The following CROCC2 variants were observed in gnomAD, a reference collection of about 807,000 sequenced individuals.
CROCC2 encodes the protein ciliary rootlet coiled-coil, rootletin family member 2.
Under a neutral mutation model 177.6 loss-of-function variants are expected in CROCC2, and 163 were observed. The observed-to-expected ratio is 0.92, with a 90% CI of 0.81 to 1.05. CROCC2 has a LOEUF of 1.05. CROCC2 is among the 50% of genes least tolerant of loss of function. The probability of loss-of-function intolerance (pLI) is 0.00; values close to 1 mark genes in which losing one functional copy is unlikely to be tolerated. For synonymous variants in CROCC2, 904 were observed against 787.3 expected, an observed-to-expected ratio of 1.15 and a Z score of -2.48; for missense variants, 1,929 against 1,797.8, an observed-to-expected ratio of 1.07 and a Z score of -1.32.
intron 1 of CROCC2, among the ~76,000 whole-genome samples, chr2:240,912,170 T>C (rs1330842291): frequency 6.6e-6 from 1 of 152,228 alleles, no homozygotes; most frequent in Admixed American, 6.5e-5. Flanking sequence ...CTGTTGTTAC[T>C]CATACCACTT....
rs1248864746 is a variant in CROCC2, at chr2:240,930,198, C to G, written c.678C>G (p.Asp226Glu). ...CAGGGGGCCTGGGGCAGCCCCGGGA[C>G]CTCCTCCTCCTGTGGAGACAGGCCG... is the stretch of plus-strand genomic sequence containing the variant. ...TRSGGLGQPRDLLLLWRQAVV... is the reference protein window; with the variant it reads ...TRSGGLGQPRELLLLWRQAVV... The change falls in exon 6 of 32, where the codon GAC becomes GAG. Residue 226 changes from aspartate (D) to glutamate (E), a missense_variant. Around this residue, in one of 3 missense-constraint regions of CROCC2, gnomAD observed 1,397 missense variants for 1,239.9 expected, o/e 1.13. Coordinates refer to ENST00000690015, the MANE Select transcript of CROCC2 (RefSeq NM_001351305.2). 1 of 585,678 alleles carries G rather than the reference C, an allele frequency of 1.7e-6. No homozygotes were observed. The highest frequency in any genetic ancestry group is 3.1e-6 in the Non-Finnish European group (1 of 320,012). 36.3% of individuals were successfully genotyped at this position (585,678 alleles called of 1,614,324 possible).
intron 4 of CROCC2, among the ~76,000 whole-genome samples, chr2:240,923,049 C>T (rs2059366805): frequency 6.6e-6 from 1 of 152,054 alleles, no homozygotes; most frequent in South Asian, 2.1e-4. Context: ...ACGATTGTAC[C>T]CATCGCTATC....
chr2:240,918,907 G>A lies in CROCC2; in HGVS notation c.229+31G>A. On this transcript the variant is annotated intron_variant, in intron 2 of 31. Coordinates refer to ENST00000690015, the MANE Select transcript of CROCC2 (RefSeq NM_001351305.2). The surrounding 1 kb of genome is among the most constrained non-coding windows in gnomAD (Gnocchi z 6.3). Reference sequence around the variant, plus strand: ...GGTGTGGGGGACAGTCCTGGGCCCGGGGCTGGCCAAGGTGACGGCGTGGGG... The same window carrying A: ...GGTGTGGGGGACAGTCCTGGGCCCGAGGCTGGCCAAGGTGACGGCGTGGGG... 1 of 664,352 alleles carries A rather than the reference G, an allele frequency of 1.5e-6. No individual in the cohort carries two copies. Among genetic ancestry groups the A allele is most frequent in the South Asian group, 1.6e-5 (1 of 61,352 alleles). 41.2% of individuals were successfully genotyped at this position (664,352 alleles called of 1,614,324 possible). A position where few individuals can be genotyped will look rare whatever the true frequency, so the allele number is the denominator to read the frequency against.
chr2:240,939,964 G>T (rs2059487468), intron 14 of CROCC2, among the ~76,000 whole-genome samples: 1 of 152,110 alleles, frequency 6.6e-6, no homozygotes. Flanking sequence ...TGTCTATCTT[G>T]AACACATCAA....
chr2:240,910,283 C>T (rs1289187161), intron 1 of CROCC2, among the ~76,000 whole-genome samples: 1 of 144,378 alleles, frequency 6.9e-6, no homozygotes, highest in East Asian at 2.0e-4. Context: ...CACCCAGACC[C>T]GCAGCTGATG....
At chr2:240,941,065 C>A (rs2059492135) in intron 14 of CROCC2, among the ~76,000 whole-genome samples, 1 of 151,996 alleles carries the variant, frequency 6.6e-6, no homozygotes, top group South Asian at 2.1e-4. Flanking sequence ...AGAATCAAAT[C>A]AAGAATTCAA....
At position 240,949,649 on chromosome 2, in the gene CROCC2, G is replaced by A. The variant is rs2059542060; in HGVS notation, c.2599G>A (p.Glu867Lys). Residue 867 changes from glutamate to lysine, a missense_variant, in exon 17 of 32, where the codon GAG becomes AAG. Around this residue, in one of 3 missense-constraint regions of CROCC2, gnomAD observed 1,397 missense variants for 1,239.9 expected, o/e 1.13. Transcript: ENST00000690015. This position sits in a 1 kb window ranked among gnomAD's most constrained non-coding sequence, Gnocchi z 4.5. Reference protein sequence around the residue: ...QQEREAQRALESQALAHREAL... With the variant: ...QQEREAQRALKSQALAHREAL... ...GGAGCGGGAGGCACAGCGGGCCCTGGAGAGCCAGGCGTTGGCCCACCGAGA... is the reference window on the plus strand; with the variant it reads ...GGAGCGGGAGGCACAGCGGGCCCTGAAGAGCCAGGCGTTGGCCCACCGAGA... 21 of 1,545,912 alleles carry A rather than the reference G, an allele frequency of 1.4e-5. No homozygotes were observed. The highest frequency in any genetic ancestry group is 1.7e-5 in the Non-Finnish European group (19 of 1,144,838).
intron 14 of CROCC2, among the ~76,000 whole-genome samples, chr2:240,941,231 T>C (rs1472170007): frequency 2.6e-5 from 4 of 152,170 alleles, no homozygotes; most frequent in Non-Finnish European, 5.9e-5. Flanking sequence ...ACGAGTAGAA[T>C]CAATATTGTG....
At chr2:240,939,011 T>C (rs974675158) in intron 14 of CROCC2, among the ~76,000 whole-genome samples, 3 of 152,164 alleles carry the variant, frequency 2.0e-5, no homozygotes, top group Admixed American at 2.0e-4. Context: ...CTTCTTCTTA[T>C]CTTATTGCAC....
chr2:240,956,835 T>C (rs1027379892), intron 19 of CROCC2, among the ~76,000 whole-genome samples: 2 of 152,048 alleles, frequency 1.3e-5, no homozygotes. Flanking sequence ...AGGTCCCGCA[T>C]GGGAGATGAA....
chr2:240,909,293 C>G (rs866126014), intron 1 of CROCC2, among the ~76,000 whole-genome samples: 114 of 103,668 alleles, frequency 1.1e-3, no homozygotes, highest in African/African-American at 4.9e-3. Context: ...TCCTCCACCT[C>G]GGGTGACCTC....
intron 1 of CROCC2, among the ~76,000 whole-genome samples, chr2:240,909,458 G>T (rs1327134708): frequency 1.3e-5 from 2 of 152,362 alleles, no homozygotes; most frequent in East Asian, 3.9e-4. Context: ...GGTGAATGGA[G>T]GCTGGAGAGC....
intron 27 of CROCC2, among the ~76,000 whole-genome samples, chr2:240,980,386 G>A (rs2059790556): frequency 1.6e-5 from 1 of 61,720 alleles, no homozygotes; most frequent in Non-Finnish European, 3.2e-5. Context: ...CTCAGTCTCT[G>A]GGGTAGGAGC....
In CROCC2 at chr2:240,931,025, A is replaced by T. The variant is rs1012962432; in HGVS notation, c.844A>T (p.Ser282Cys). 1.4e-6 allele frequency: 1 copy of T among 716,610 alleles called. No individual in the cohort carries two copies. The highest frequency in any genetic ancestry group is 2.7e-5 in the East Asian group (1 of 37,288). The allele number at this position is 716,610 out of a possible 1,614,324, so 44.4% of individuals were successfully genotyped here. A position where few individuals can be genotyped will look rare whatever the true frequency, so the allele number is the denominator to read the frequency against. The change falls in exon 7 of 32, where the codon AGC becomes TGC. Residue 282 changes from serine (S) to cysteine (C), a missense_variant. This residue lies in a region of CROCC2 where 1,397 missense variants were observed against 1,239.9 expected (regional missense o/e 1.13). Transcript: ENST00000690015. ...CGACTCCAACCTGCGGCTGTCGGCC[A>T]GCAGCACGGCCAGCACCCTGGGGCA... ...NLDSNLRLSA[S>C]STASTLGQQL...
chr2:240,945,138 T>C (rs2059515521), intron 14 of CROCC2, among the ~76,000 whole-genome samples: 1 of 152,184 alleles, frequency 6.6e-6, no homozygotes, highest in Admixed American at 6.5e-5. Flanking sequence ...GGTTTCACCA[T>C]GTTGCCAGGC....
At chr2:240,957,149 G>C (rs1414702495) in intron 19 of CROCC2, among the ~76,000 whole-genome samples, 2 of 152,150 alleles carry the variant, frequency 1.3e-5, no homozygotes, top group Non-Finnish European at 2.9e-5. Flanking sequence ...AGGTAGGATT[G>C]AGGGCGAGGC....
chr2:240,968,442 G>A (rs1207915735), intron 27 of CROCC2, among the ~76,000 whole-genome samples, 180 bp downstream of exon 27: 1 of 152,202 alleles, frequency 6.6e-6, no homozygotes, highest in East Asian at 1.9e-4. Context: ...GGTGCAGGCT[G>A]GGCTGTGGCA....
intron 1 of CROCC2, among the ~76,000 whole-genome samples, chr2:240,909,295 G>C (rs958650942): frequency 2.6e-4 from 37 of 139,724 alleles, no homozygotes; most frequent in African/African-American, 9.6e-4. Flanking sequence ...CTCCACCTCG[G>C]GTGACCTCTA....
At chr2:240,991,129 C>A in intron 30 of CROCC2, 67 bp from the exon 31 acceptor site, 1 of 1,243,258 alleles carries the variant, frequency 8.0e-7, no homozygotes, top group Non-Finnish European at 1.1e-6. Flanking sequence ...GCCCTCCATG[C>A]CTCTATGCCC....
Sources: allele counts gnomAD v4.1 joint callset (sites outside exome capture counted in the v4.1 genomes callset), GRCh38; gene constraint gnomAD v4.1.1; regional missense constraint gnomAD v4.1.1; non-coding constraint Gnocchi (gnomAD v3.1); transcripts MANE v1.5; gene names NCBI Gene and HGNC (gene_info 2026-07-23, HGNC 2026-07-21).